Variants in DLGAP1 observed in about 807,000 individuals in gnomAD.
The protein encoded by DLGAP1 is disks large-associated protein 1.
Under a neutral mutation model 90.8 loss-of-function variants are expected in DLGAP1, and 11 were observed. That is an observed-to-expected ratio of 0.12 (90% CI 0.08 to 0.20). The LOEUF is 0.20. Among genes scored for constraint, DLGAP1 ranks in the 10% least tolerant of loss-of-function variants. The probability of loss-of-function intolerance (pLI) is 1.00; values close to 1 mark genes in which losing one functional copy is unlikely to be tolerated. For missense variants in DLGAP1, 1,050 were observed against 1,333.8 expected (o/e 0.79, Z 3.31); for synonymous variants, 558 against 540.7 (o/e 1.03, Z -0.44).
At chr18:4,274,267 C>T (rs981964917) in intron 1 of DLGAP1, among the ~76,000 whole-genome samples, 3 of 151,928 alleles carry the variant, frequency 2.0e-5, no homozygotes, top group African/African-American at 7.3e-5. Flanking sequence ...CTTCTTTGAC[C>T]CGCTGGTTAT....
chr18:4,171,088 A>G (rs537561528), intron 1 of DLGAP1, among the ~76,000 whole-genome samples: 48 of 120,438 alleles, frequency 4.0e-4, no homozygotes, highest in African/African-American at 1.7e-3. Context: ...TCTATATAGA[A>G]TGAAAAAACT....
intron 7 of DLGAP1, among the ~76,000 whole-genome samples, chr18:3,707,693 A>G (rs1485533883): frequency 6.6e-6 from 1 of 152,032 alleles, no homozygotes; most frequent in Admixed American, 6.6e-5. Context: ...AATCGTGGAT[A>G]TATTTGTCTG....
chr18:3,947,699 T>TC (rs2072904314), intron 3 of DLGAP1, among the ~76,000 whole-genome samples: 1 of 152,142 alleles, frequency 6.6e-6, no homozygotes, highest in South Asian at 2.1e-4. Context: ...TTGGTCACAC[T>TC]CCCCCTGCAG....
chr18:3,793,122 G>GGA (rs2065817921), intron 5 of DLGAP1, among the ~76,000 whole-genome samples: 2 of 152,214 alleles, frequency 1.3e-5, no homozygotes, highest in African/African-American at 4.8e-5. Context: ...GGAATTAGCA[G>GGA]ATGAATTGCT....
At chr18:3,720,895 A>AAAAAAAAAAAAAAAAAAAAAAAAG (rs2061953800) in intron 7 of DLGAP1, among the ~76,000 whole-genome samples, 7 of 140,402 alleles carry the variant, frequency 5.0e-5, no homozygotes, top group African/African-American at 2.0e-4. Context: ...CTACAAAAAA[A>AAAAAAAAAAAAAAAAAAAAAAAAG]AAAAAAAAAA....
At chr18:3,752,795 G>A (rs1271630730) in intron 5 of DLGAP1, among the ~76,000 whole-genome samples, 5 of 151,776 alleles carry the variant, frequency 3.3e-5, no homozygotes, top group African/African-American at 1.2e-4. Flanking sequence ...GTAGGTGCAA[G>A]CCACTGCATC....
chr18:4,145,920 C>A (rs12606055), intron 2 of DLGAP1, among the ~76,000 whole-genome samples: 12,027 of 152,062 alleles, frequency 0.079, 1,225 homozygotes, highest in East Asian at 0.23. Flanking sequence ...TGAAAAAGGC[C>A]TGACTTGACA....
At chr18:4,090,985 C>A (rs1172492301) in intron 2 of DLGAP1, among the ~76,000 whole-genome samples, 1 of 152,180 alleles carries the variant, frequency 6.6e-6, no homozygotes, top group Non-Finnish European at 1.5e-5. Flanking sequence ...AGCAAACTAA[C>A]ACAAGAACAG....
chr18:4,273,013 T>C (rs984902661), intron 1 of DLGAP1, among the ~76,000 whole-genome samples: 1 of 152,116 alleles, frequency 6.6e-6, no homozygotes, highest in Non-Finnish European at 1.5e-5. Context: ...GGGATTCTCA[T>C]CAAGGGCCTT....
chr18:3,641,218 A>T (rs1040392411), intron 7 of DLGAP1, among the ~76,000 whole-genome samples: 1 of 151,760 alleles, frequency 6.6e-6, no homozygotes, highest in Non-Finnish European at 1.5e-5. Flanking sequence ...ATTAATGTAT[A>T]TTATGAAGGA....
At chr18:4,104,475 T>C (rs1009448069) in intron 2 of DLGAP1, among the ~76,000 whole-genome samples, 2 of 152,176 alleles carry the variant, frequency 1.3e-5, no homozygotes, top group Non-Finnish European at 2.9e-5. Context: ...CATTTCTTTT[T>C]TCCCCTTTGA....
chr18:4,267,425 C>T (rs1209383283), intron 1 of DLGAP1, among the ~76,000 whole-genome samples: 1 of 152,206 alleles, frequency 6.6e-6, no homozygotes, highest in East Asian at 1.9e-4. Flanking sequence ...TTAAACTCTA[C>T]AGTTACATTG....
intron 1 of DLGAP1, among the ~76,000 whole-genome samples, chr18:4,374,212 G>C (rs1374433075): frequency 6.6e-6 from 1 of 152,104 alleles, no homozygotes. Context: ...TCACTGTCTA[G>C]AGGACTATGG....
chr18:4,393,503 A>C (rs1041879079), intron 1 of DLGAP1, among the ~76,000 whole-genome samples: 3 of 152,230 alleles, frequency 2.0e-5, no homozygotes, highest in Admixed American at 2.0e-4. Flanking sequence ...ACTTTCTTCA[A>C]GAGGCATTCC....
intron 1 of DLGAP1, among the ~76,000 whole-genome samples, chr18:4,206,742 C>T (rs2077728680): frequency 6.6e-6 from 1 of 152,208 alleles, no homozygotes; most frequent in South Asian, 2.1e-4. Context: ...GAGGTACCCT[C>T]CACTTCTAAA....
chr18:4,396,025 A>T (rs1164894818), intron 1 of DLGAP1, among the ~76,000 whole-genome samples: 6 of 152,330 alleles, frequency 3.9e-5, no homozygotes, highest in African/African-American at 1.4e-4. Flanking sequence ...AGGAGCATCC[A>T]CTAACAGATA....
chr18:3,867,255 C>T (rs2070455108), intron 4 of DLGAP1, among the ~76,000 whole-genome samples: 2 of 152,132 alleles, frequency 1.3e-5, no homozygotes, highest in African/African-American at 2.4e-5. Context: ...TGCTTTTCCC[C>T]GCCTCTCTCC....
chr18:3,508,982 C>CTT (rs796452465), intron 10 of DLGAP1, among the ~76,000 whole-genome samples: 40 of 143,772 alleles, frequency 2.8e-4, no homozygotes, highest in South Asian at 1.1e-3. Context: ...ACAGTTGTTG[C>CTT]TTTTTTTTTT....
At chr18:4,279,623 C>T (rs2079502946) in intron 1 of DLGAP1, among the ~76,000 whole-genome samples, 1 of 152,150 alleles carries the variant, frequency 6.6e-6, no homozygotes, top group African/African-American at 2.4e-5. Context: ...CCAATTACAA[C>T]AGTGATTTAA....
Sources: allele counts gnomAD v4.1 joint callset (sites outside exome capture counted in the v4.1 genomes callset), GRCh38; gene constraint gnomAD v4.1.1; transcripts MANE v1.5; gene names NCBI Gene and HGNC (gene_info 2026-07-23, HGNC 2026-07-21).